The following ZNF101 variants were observed in gnomAD, a reference collection of about 807,000 sequenced individuals.
ZNF101 encodes zinc finger protein 101 (Y2).
Under a neutral mutation model 42.6 loss-of-function variants are expected in ZNF101, and 34 were observed. That is an observed-to-expected ratio of 0.80 (90% confidence interval 0.61 to 1.06). The LOEUF (loss-of-function observed/expected upper bound fraction) is 1.06, where lower values mean the gene tolerates loss of function less well. ZNF101 is among the 50% of genes least tolerant of loss of function. ZNF101 has a pLI of 0.00. For missense variants in ZNF101, 466 were observed against 530.9 expected (o/e 0.88, Z 1.20); for synonymous variants, 158 against 183.9 (o/e 0.86, Z 1.14).
At chr19:19,671,283 G>C (rs2062167962) in intron 1 of ZNF101, among the ~76,000 whole-genome samples, 1 of 152,298 alleles carries the variant, frequency 6.6e-6, no homozygotes, top group Non-Finnish European at 1.5e-5. Flanking sequence ...TTTGGGATAA[G>C]TTTGGCAACA....
At chr19:19,671,296 T>C (rs1206825950) in intron 1 of ZNF101, among the ~76,000 whole-genome samples, 1 of 152,220 alleles carries the variant, frequency 6.6e-6, no homozygotes, top group African/African-American at 2.4e-5. Context: ...TGGCAACATC[T>C]AGAAGTAGTC....
In ZNF101 at chr19:19,679,986, A is replaced by G. The variant is rs774418080; in HGVS notation, c.997A>G (p.Thr333Ala). 1.2e-6 allele frequency: 2 copies of G among 1,613,996 alleles called. No individual in the cohort carries two copies. The highest frequency in any genetic ancestry group is 4.5e-5 in the East Asian group (2 of 44,884). Residue 333 changes from threonine (T) to alanine (A), a missense_variant, in exon 4 of 4, where the codon ACT becomes GCT. Physicochemically the swap from Thr to Ala is moderately conservative, Grantham distance 58. Coordinates refer to ENST00000592502, the MANE Select transcript of ZNF101 (RefSeq NM_033204.4). ...TSLQAHERAH[T>A]GERPYECNKC... Reference sequence around the variant, plus strand: ...CCTTCAAGCACATGAAAGAGCTCACACTGGAGAAAGACCTTATGAATGTAA... The same window carrying G: ...CCTTCAAGCACATGAAAGAGCTCACGCTGGAGAAAGACCTTATGAATGTAA...
intron 1 of ZNF101, chr19:19,676,098 C>G (rs1375340592): frequency 6.6e-6 from 1 of 151,938 alleles, no homozygotes; most frequent in African/African-American, 2.4e-5. Flanking sequence ...CTCACTGCAA[C>G]CTTGAATTCC....
intron 2 of ZNF101, 114 bp from the exon 3 acceptor site, chr19:19,678,612 C>G (rs1444518606): frequency 2.4e-6 from 2 of 847,566 alleles, no homozygotes; most frequent in Non-Finnish European, 3.5e-6. Context: ...GAGACTTTGT[C>G]TCCAAAAAAA....
intron 1 of ZNF101, among the ~76,000 whole-genome samples, chr19:19,672,846 A>C (rs1386396818): frequency 1.3e-5 from 2 of 152,102 alleles, no homozygotes; most frequent in Non-Finnish European, 2.9e-5. Context: ...ATTTCTGAAA[A>C]AAGAAAACAA....
Position 19,679,931 on chromosome 19 carries a change from A to G in ZNF101, c.942A>G (p.Lys314=), listed in dbSNP as rs2062228510. ...HSGGKLYECQ[K]CAKVFRCPTS... is the part of the protein sequence containing the mutation. ...GAGGAAAACTCTACGAATGTCAAAA[A>G]TGTGCCAAAGTCTTTAGATGTCCCA... Residue 314 remains lysine (K), a synonymous_variant, in exon 4 of 4, where the codon AAA becomes AAG. Transcript: ENST00000592502. The G allele has an allele frequency of 6.2e-7, 1 of 1,613,958 alleles. No individual in the cohort carries two copies. The highest frequency in any genetic ancestry group is 1.1e-5 in the South Asian group (1 of 91,082).
At position 19,680,409 on chromosome 19, in the gene ZNF101, G is replaced by C; in HGVS notation, c.*109G>C. On this transcript the variant is annotated 3_prime_UTR_variant, in exon 4 of 4. Transcript: ENST00000592502. ...AGGCGGGTGGATCACCTGAGGTCAG[G>C]AGTTCAAGACTAGCCTGGCCAACAT... The C allele has an allele frequency of 1.8e-6, 1 of 560,216 alleles. No homozygotes were observed. Among genetic ancestry groups the C allele is most frequent in the Admixed American group, 3.6e-5 (1 of 27,938 alleles). 34.7% of individuals were successfully genotyped at this position (560,216 alleles called of 1,614,324 possible).
chr19:19,670,748 CT>C lies in ZNF101; in HGVS notation c.3+1785del, dbSNP rs869210938. 2.7e-5 allele frequency among the ~76,000 whole-genome samples: 4 copies of C among 149,456 alleles called. No individual in the cohort carries two copies. In the South Asian group the frequency reaches 8.4e-4, roughly 31 times the overall value. ...ACTGAACGACAGAGTGAGACCCTGT[CT>C]TTAAAAAAAAAAAAGGAAATCTTCC... is the stretch of plus-strand genomic sequence containing the variant. On this transcript the variant is annotated intron_variant, in intron 1 of 3. Coordinates refer to ENST00000592502, the MANE Select transcript of ZNF101 (RefSeq NM_033204.4).
rs1456445735 is a variant in ZNF101 at position 19,682,206 on chromosome 19, A to C, written c.*1906A>C. 1.4e-5 allele frequency: 2 copies of C among 147,050 alleles called. No individual in the cohort carries two copies. The highest frequency in any genetic ancestry group is 3.0e-5 in the Non-Finnish European group (2 of 67,456). The allele number at this position is 147,050 out of a possible 1,614,324, so 9.1% of individuals were successfully genotyped here. ...CCAAAGTGCTGAGATTACAGGTGTG[A>C]GCCACCGCGCCTGGCCTTTTTTTTT... On this transcript the variant is annotated 3_prime_UTR_variant, in exon 4 of 4. Transcript: ENST00000592502.
rs368655860 is a variant in ZNF101 at position 19,671,698 on chromosome 19, A to C, written c.3+2732A>C. ...GTATTTTTAGTAGAGACGGGGTTTC[A>C]CCGTGTTAGCCAGGATGGTCTCGAT... On this transcript the variant is annotated intron_variant, in intron 1 of 3. Transcript: ENST00000592502. Among the ~76,000 whole-genome samples, 190 of 151,924 alleles carry C rather than the reference A, an allele frequency of 1.3e-3. 3 individuals carry two copies. The East Asian group carries it at 0.028, about 22-fold the overall frequency.
rs776883217 is a variant in ZNF101 at position 19,679,962 on chromosome 19, C to T, written c.973C>T (p.Leu325Phe). ...CAKVFRCPTS[L>F]QAHERAHTGE... ...CAAAGTCTTTAGATGTCCCACGTCC[C>T]TTCAAGCACATGAAAGAGCTCACAC... The change falls in exon 4 of 4, where the codon CTT becomes TTT. Residue 325 changes from leucine to phenylalanine, a missense_variant. Leu to Phe is a conservative substitution (Grantham distance 22). Coordinates refer to ENST00000592502, the MANE Select transcript of ZNF101 (RefSeq NM_033204.4). 5.0e-6 allele frequency: 8 copies of T among 1,613,650 alleles called. No homozygotes were observed. The highest frequency in any genetic ancestry group is 6.8e-6 in the Non-Finnish European group (8 of 1,179,960).
At chr19:19,678,087 T>C in intron 2 of ZNF101, 97 bp downstream of exon 2, 8 of 1,538,464 alleles carry the variant, frequency 5.2e-6, no homozygotes, top group Non-Finnish European at 6.2e-6. Flanking sequence ...GAGAATACGT[T>C]GGTGAATAAA....
At chr19:19,677,054 G>C (rs1312394666) in intron 1 of ZNF101, 1 of 152,178 alleles carries the variant, frequency 6.6e-6, no homozygotes, top group Non-Finnish European at 1.5e-5. Flanking sequence ...GACATTACCT[G>C]ACAGAAATTT....
chr19:19,668,752 G>C, upstream of ZNF101: 1 of 536,450 alleles, frequency 1.9e-6, no homozygotes, highest in South Asian at 2.7e-5. Flanking sequence ...AGTCAGAGGC[G>C]CTGTGCGGCA....
At chr19:19,675,535 G>A (rs1216038454) in intron 1 of ZNF101, among the ~76,000 whole-genome samples, 1 of 152,042 alleles carries the variant, frequency 6.6e-6, no homozygotes, top group African/African-American at 2.4e-5. Flanking sequence ...TGTATGTGTA[G>A]ACATTTGTCC....
intron 1 of ZNF101, 184 bp from the exon 2 acceptor site, chr19:19,677,680 T>G (rs1599452642): frequency 2.2e-6 from 2 of 920,008 alleles, no homozygotes; most frequent in Non-Finnish European, 3.0e-6. Context: ...GCTCTCTGAG[T>G]AGGTCAGTTC....
At chr19:19,673,768 T>C (rs978155176) in intron 1 of ZNF101, among the ~76,000 whole-genome samples, 1 of 149,174 alleles carries the variant, frequency 6.7e-6, no homozygotes, top group African/African-American at 2.5e-5. Context: ...GGGTTTTATA[T>C]TTGTTGAGGC....
intron 1 of ZNF101, among the ~76,000 whole-genome samples, chr19:19,674,688 T>A (rs2062191403): frequency 6.6e-6 from 1 of 152,224 alleles, no homozygotes; most frequent in Admixed American, 6.5e-5. Flanking sequence ...AGAGGGAGTT[T>A]GGAAATGTCC....
At chr19:19,675,489 T>C (rs756537697) in intron 1 of ZNF101, among the ~76,000 whole-genome samples, 9 of 152,142 alleles carry the variant, frequency 5.9e-5, no homozygotes, top group Non-Finnish European at 1.3e-4. Context: ...TCTGTTCAGA[T>C]TTTTTGTTTT....
Sources: gnomAD v4.1 joint callset for allele counts (sites outside exome capture counted in the v4.1 genomes callset) on GRCh38, gnomAD v4.1.1 for gene constraint, MANE v1.5 for transcripts, NCBI Gene and HGNC (gene_info 2026-07-23, HGNC 2026-07-21) for gene names.